The following LINGO2 variants were observed in gnomAD, a reference collection of about 807,000 sequenced individuals.
LINGO2 encodes leucine rich repeat and Ig domain containing 2.
A neutral mutation model predicts 30.6 loss-of-function variants in LINGO2; 14 were observed. That is an observed-to-expected ratio of 0.46 (90% CI 0.30 to 0.72). The LOEUF is 0.72. Ranked by LOEUF, LINGO2 falls within the 30% of genes least tolerant of loss-of-function variation. The pLI is 0.07. For synonymous variants in LINGO2, 317 were observed against 288.5 expected, an observed-to-expected ratio of 1.10 and a Z score of -1.00; for missense variants, 729 against 751.7, an observed-to-expected ratio of 0.97 and a Z score of 0.35.
chr9:28,954,160 A>T, the LINGO2 span, among the ~76,000 whole-genome samples: 1 of 152,196 alleles, frequency 6.6e-6, no homozygotes, highest in Non-Finnish European at 1.5e-5. Flanking sequence ...CCTTGAAGTT[A>T]CAAGATCACT....
At chr9:28,091,446 A>C (rs1826082710) in intron 4 of LINGO2, among the ~76,000 whole-genome samples, 1 of 152,138 alleles carries the variant, frequency 6.6e-6, no homozygotes, top group Non-Finnish European at 1.5e-5. Flanking sequence ...AACACAAAAC[A>C]GGGAAAGGAT....
intron 2 of LINGO2, among the ~76,000 whole-genome samples, chr9:28,374,748 C>T (rs187350582): frequency 6.6e-6 from 1 of 152,170 alleles, no homozygotes; most frequent in Non-Finnish European, 1.5e-5. Flanking sequence ...TCTATAATAA[C>T]CATTTTACTC....
At chr9:28,018,021 T>G (rs1822927467) in intron 4 of LINGO2, among the ~76,000 whole-genome samples, 1 of 151,952 alleles carries the variant, frequency 6.6e-6, no homozygotes, top group South Asian at 2.1e-4. Flanking sequence ...CATAGACCAA[T>G]GAAACAGAAT....
At chr9:28,968,577 C>G in the LINGO2 span, among the ~76,000 whole-genome samples, 1 of 152,064 alleles carries the variant, frequency 6.6e-6, no homozygotes, top group Non-Finnish European at 1.5e-5. Flanking sequence ...TATGACAGAG[C>G]CTGGCATATG....
At chr9:28,409,296 G>T (rs955220490) in intron 2 of LINGO2, among the ~76,000 whole-genome samples, 1 of 152,034 alleles carries the variant, frequency 6.6e-6, no homozygotes, top group Non-Finnish European at 1.5e-5. Context: ...TCATCTTTCA[G>T]AAACAAAAGC....
chr9:28,867,920 A>G, the LINGO2 span, among the ~76,000 whole-genome samples: 1 of 152,286 alleles, frequency 6.6e-6, no homozygotes, highest in East Asian at 1.9e-4. Flanking sequence ...TTTGCCCTAC[A>G]ATGAAACAAT....
chr9:28,765,645 A>G, the LINGO2 span, among the ~76,000 whole-genome samples: 1 of 152,130 alleles, frequency 6.6e-6, no homozygotes, highest in South Asian at 2.1e-4. Context: ...GCATGTGTCT[A>G]CTTCCCCTTT....
chr9:28,506,892 A>G (rs764733497), intron 1 of LINGO2, among the ~76,000 whole-genome samples: 1 of 151,972 alleles, frequency 6.6e-6, no homozygotes, highest in Non-Finnish European at 1.5e-5. Flanking sequence ...TCTTCTCTAC[A>G]GCCATTAGGA....
chr9:28,436,297 C>T (rs745777204), intron 2 of LINGO2, among the ~76,000 whole-genome samples: 31 of 152,214 alleles, frequency 2.0e-4, no homozygotes, highest in Middle Eastern at 3.4e-3. Flanking sequence ...AAGACCTTTG[C>T]AACCTAATAG....
chr9:29,135,683 A>C, the LINGO2 span, among the ~76,000 whole-genome samples: 2 of 152,186 alleles, frequency 1.3e-5, no homozygotes, highest in Non-Finnish European at 2.9e-5. Context: ...CATCTTGACT[A>C]TTTTTAAATG....
At chr9:29,154,550 A>C in the LINGO2 span, among the ~76,000 whole-genome samples, 3 of 152,160 alleles carry the variant, frequency 2.0e-5, no homozygotes, top group African/African-American at 7.2e-5. Flanking sequence ...GCGCTATACT[A>C]AAAGTAGGAT....
In LINGO2 at chr9:28,175,205, C is replaced by G. The variant is rs188517192; in HGVS notation, c.-87+120003G>C. Reference sequence around the variant, plus strand: ...AAATACCAGCCTGCAACAGCAAAGCCTGTTCAGTAGCTCACCTGAGGCCAC... The same window carrying G: ...AAATACCAGCCTGCAACAGCAAAGCGTGTTCAGTAGCTCACCTGAGGCCAC... On this transcript the variant is annotated intron_variant, in intron 4 of 5. Coordinates refer to ENST00000379992, the Ensembl canonical transcript of LINGO2. Among the ~76,000 whole-genome samples, 287 of 152,248 alleles carry G rather than the reference C, an allele frequency of 1.9e-3. 1 individual carries two copies. Among genetic ancestry groups the G allele is most frequent in the African/African-American group, 6.5e-3 (270 of 41,552 alleles).
intron 5 of LINGO2, among the ~76,000 whole-genome samples, chr9:27,967,891 A>C (rs1820175463): frequency 6.6e-6 from 1 of 152,148 alleles, no homozygotes; most frequent in Non-Finnish European, 1.5e-5. Flanking sequence ...CAACCTTTAA[A>C]ACAATTATAT....
intron 1 of LINGO2, among the ~76,000 whole-genome samples, chr9:28,653,223 A>T (rs1225458202): frequency 6.6e-6 from 1 of 152,254 alleles, no homozygotes; most frequent in African/African-American, 2.4e-5. Flanking sequence ...CTCAAGTGAG[A>T]CCGCTTCACA....
At chr9:28,537,202 G>T (rs1227619610) in intron 1 of LINGO2, among the ~76,000 whole-genome samples, 1 of 152,070 alleles carries the variant, frequency 6.6e-6, no homozygotes, top group Non-Finnish European at 1.5e-5. Flanking sequence ...GAACCAACTT[G>T]ACCAACAATG....
At chr9:27,986,777 G>A (rs1228383974) in intron 5 of LINGO2, among the ~76,000 whole-genome samples, 3 of 151,822 alleles carry the variant, frequency 2.0e-5, no homozygotes, top group East Asian at 1.9e-4. Flanking sequence ...ACATGGTAAC[G>A]GTCATTTGTG....
chr9:28,510,703 T>C (rs964026122), intron 1 of LINGO2, among the ~76,000 whole-genome samples: 3 of 151,394 alleles, frequency 2.0e-5, no homozygotes, highest in Non-Finnish European at 2.9e-5. Flanking sequence ...TGTGTGTGTG[T>C]GTGTGTACAC....
At chr9:28,564,587 GCTC>G (rs1369568921) in intron 1 of LINGO2, among the ~76,000 whole-genome samples, 3 of 152,070 alleles carry the variant, frequency 2.0e-5, no homozygotes, top group African/African-American at 7.2e-5. Context: ...AAGCATTTAT[GCTC>G]CTCCTCCTTT....
the LINGO2 span, among the ~76,000 whole-genome samples, chr9:29,067,014 T>C: frequency 6.6e-6 from 1 of 151,882 alleles, no homozygotes. Context: ...GGTAACTATA[T>C]TCTAATCTAG....
Sources: gnomAD v4.1 joint callset for allele counts (sites outside exome capture counted in the v4.1 genomes callset) on GRCh38, gnomAD v4.1.1 for gene constraint, MANE v1.5 for transcripts, NCBI Gene and HGNC (gene_info 2026-07-23, HGNC 2026-07-21) for gene names.